KCNN2: variants seen among roughly 807,000 people sequenced by gnomAD.
KCNN2 encodes the protein potassium calcium-activated channel subfamily N member 2, also known as small conductance calcium-activated potassium channel protein 2.
KCNN2 carries 24 observed loss-of-function variants against 55.5 expected under a neutral mutation model. That is an observed-to-expected ratio of 0.43 (90% CI 0.31 to 0.61). The LOEUF is 0.61. Among genes scored for constraint, KCNN2 ranks in the 20% least tolerant of loss-of-function variants. The probability of loss-of-function intolerance (pLI) is 0.08; values close to 1 mark genes in which losing one functional copy is unlikely to be tolerated. For synonymous variants in KCNN2, 431 were observed against 336.1 expected (o/e 1.28, Z -3.09); for missense variants, 754 against 853.6 (o/e 0.88, Z 1.45).
chr5:114,324,973 T>G (rs1390054368), intron 2 of KCNN2, among the ~76,000 whole-genome samples: 3 of 152,192 alleles, frequency 2.0e-5, no homozygotes, highest in Non-Finnish European at 4.4e-5. Flanking sequence ...AAAATATGGA[T>G]GTTAAAAGCA....
intron 3 of KCNN2, among the ~76,000 whole-genome samples, chr5:114,449,390 A>G (rs1366803793): frequency 2.0e-5 from 3 of 152,212 alleles, no homozygotes; most frequent in Non-Finnish European, 4.4e-5. Context: ...AAGAAGGCCC[A>G]CTTCCAAAAG....
chr5:114,486,017 G>C (rs1762423332), intron 5 of KCNN2, among the ~76,000 whole-genome samples: 1 of 152,032 alleles, frequency 6.6e-6, no homozygotes, highest in African/African-American at 2.4e-5. Flanking sequence ...GTCCTATGAG[G>C]TTAGCTAATC....
At chr5:114,293,406 T>G (rs1301661813) in intron 2 of KCNN2, among the ~76,000 whole-genome samples, 9 of 152,196 alleles carry the variant, frequency 5.9e-5, no homozygotes, top group African/African-American at 2.2e-4. Flanking sequence ...CATGAAGGGT[T>G]GTTGAATTTT....
At chr5:114,465,370 T>A (rs1415167982) in intron 4 of KCNN2, among the ~76,000 whole-genome samples, 1 of 152,140 alleles carries the variant, frequency 6.6e-6, no homozygotes, top group Non-Finnish European at 1.5e-5. Context: ...CCCAACACTT[T>A]GGGAGGCCGA....
At chr5:114,110,368 G>T (rs750266014) in intron 1 of KCNN2, among the ~76,000 whole-genome samples, 5 of 152,056 alleles carry the variant, frequency 3.3e-5, no homozygotes, top group African/African-American at 1.2e-4. Context: ...TCAGGACTAA[G>T]GTACCAGGTG....
chr5:114,418,998 G>T (rs1454299339), intron 3 of KCNN2, among the ~76,000 whole-genome samples: 2 of 152,174 alleles, frequency 1.3e-5, no homozygotes, highest in East Asian at 1.9e-4. Context: ...GACTAAATTT[G>T]AAAGAGAACG....
intron 1 of KCNN2, among the ~76,000 whole-genome samples, chr5:114,217,782 C>T (rs1207975003): frequency 3.9e-5 from 6 of 152,016 alleles, no homozygotes; most frequent in Non-Finnish European, 8.8e-5. Context: ...AATTTCTGCT[C>T]TGAAAATGAC....
intron 2 of KCNN2, among the ~76,000 whole-genome samples, chr5:114,288,804 C>T (rs77888634): frequency 1.3e-5 from 2 of 152,016 alleles, no homozygotes; most frequent in African/African-American, 4.8e-5. Flanking sequence ...TTCACGCATC[C>T]TGTAGGTTGT....
At chr5:114,311,428 C>T (rs887422768) in intron 2 of KCNN2, among the ~76,000 whole-genome samples, 12 of 152,244 alleles carry the variant, frequency 7.9e-5, no homozygotes, top group Non-Finnish European at 1.2e-4. Flanking sequence ...ATTCAGCAAA[C>T]GGCTGCATTT....
chr5:114,332,747 C>G (rs114585932), intron 2 of KCNN2, among the ~76,000 whole-genome samples: 2 of 152,130 alleles, frequency 1.3e-5, no homozygotes, highest in Non-Finnish European at 2.9e-5. Flanking sequence ...CAGCTGAAAG[C>G]CAGGGAGGGG....
chr5:114,358,070 A>T (rs1433204793), upstream of KCNN2, among the ~76,000 whole-genome samples: 1 of 151,020 alleles, frequency 6.6e-6, no homozygotes, highest in African/African-American at 2.4e-5. Context: ...GCATTTTTTC[A>T]TGTGTTTTTT....
At chr5:114,084,579 C>T (rs1394199306) in intron 1 of KCNN2, among the ~76,000 whole-genome samples, 1 of 151,862 alleles carries the variant, frequency 6.6e-6, no homozygotes, top group African/African-American at 2.4e-5. Flanking sequence ...GGTACTTTGT[C>T]AGATATATTT....
intron 1 of KCNN2, among the ~76,000 whole-genome samples, chr5:114,061,859 T>C (rs1750338501): frequency 6.6e-6 from 1 of 152,196 alleles, no homozygotes; most frequent in South Asian, 2.1e-4. Context: ...GAGGATCTGG[T>C]AGAAGAACCT....
intron 5 of KCNN2, among the ~76,000 whole-genome samples, chr5:114,474,154 C>T (rs1446807679): frequency 6.6e-6 from 1 of 152,148 alleles, no homozygotes; most frequent in Non-Finnish European, 1.5e-5. Flanking sequence ...TGTTTTCACT[C>T]ACTCTTGATT....
chr5:114,189,360 TA>T (rs1266055653), intron 1 of KCNN2, among the ~76,000 whole-genome samples: 1 of 152,130 alleles, frequency 6.6e-6, no homozygotes, highest in Non-Finnish European at 1.5e-5. Flanking sequence ...ATGTCCCAGT[TA>T]AAACAGGCAG....
chr5:114,397,028 A>T (rs1373865500), intron 2 of KCNN2, among the ~76,000 whole-genome samples: 3 of 152,128 alleles, frequency 2.0e-5, no homozygotes, highest in Non-Finnish European at 2.9e-5. Context: ...CTCCAGTCCC[A>T]TCCACGCTGC....
intron 2 of KCNN2, among the ~76,000 whole-genome samples, chr5:114,310,292 G>T (rs754635870): frequency 2.0e-5 from 3 of 152,006 alleles, no homozygotes; most frequent in Non-Finnish European, 2.9e-5. Context: ...CAGTGCTCCC[G>T]CCCCAGTACT....
chr5:114,424,702 G>C (rs1011058179), intron 3 of KCNN2, among the ~76,000 whole-genome samples: 1 of 152,228 alleles, frequency 6.6e-6, no homozygotes, highest in African/African-American at 2.4e-5. Flanking sequence ...CTCCATTAAA[G>C]GGTGCATCCT....
At chr5:114,202,567 G>GTATATATATA (rs1314767935) in intron 1 of KCNN2, among the ~76,000 whole-genome samples, 1 of 93,664 alleles carries the variant, frequency 1.1e-5, no homozygotes, top group African/African-American at 3.9e-5. Context: ...ATATGTGTGT[G>GTATATATATA]TATATATATA....
Sources: gnomAD v4.1 joint callset for allele counts (sites outside exome capture counted in the v4.1 genomes callset) on GRCh38, gnomAD v4.1.1 for gene constraint, MANE v1.5 for transcripts, NCBI Gene and HGNC (gene_info 2026-07-23, HGNC 2026-07-21) for gene names.